The following ASAP2 variants were observed in gnomAD, a reference collection of about 807,000 sequenced individuals.
ASAP2 encodes the protein ArfGAP with SH3 domain, ankyrin repeat and PH domain 2.
In ASAP2, 45 loss-of-function variants were observed where a neutral mutation model predicts 131.4. The ratio of observed to expected loss-of-function variants is 0.34; its 90% CI spans 0.27 to 0.44. The LOEUF is 0.44. Among genes scored for constraint, ASAP2 ranks in the 20% least tolerant of loss-of-function variants. ASAP2 has a pLI of 1.00. For missense variants in ASAP2, 1,011 were observed against 1,297.0 expected (o/e 0.78, Z 3.39); for synonymous variants, 510 against 503.0 (o/e 1.01, Z -0.19).
chr2:9,334,932 G>A, intron 8 of ASAP2, 119 bp downstream of exon 8: 1 of 1,351,812 alleles, frequency 7.4e-7, no homozygotes, highest in Non-Finnish European at 1.0e-6. Flanking sequence ...GTGGAGTGTG[G>A]CGTTCCCACG....
In ASAP2 at chr2:9,388,507, A is replaced by G. The variant is rs1472335655; in HGVS notation, c.2344A>G (p.Thr782Ala). 6.2e-7 allele frequency: 1 copy of G among 1,613,004 alleles called. No individual in the cohort carries two copies. The highest frequency in any genetic ancestry group is 1.1e-5 in the South Asian group (1 of 90,932). ...CGCCCAGCCTGCAGCCCCCAGCACC[A>G]CCAGCGCCCCCCCGCTTCCTCCACG... The part of the protein sequence containing the change: ...PPAQPAAPST[T>A]SAPPLPPRNV... Residue 782 changes from threonine (T) to alanine (A), a missense_variant, in exon 22 of 28, where the codon ACC becomes GCC. Coordinates refer to ENST00000281419, the MANE Select transcript of ASAP2 (RefSeq NM_003887.3).
Position 9,254,527 on chromosome 2 carries a change from A to ATTTTTTTTTTTTTTTTTTTT in ASAP2, c.127-24783_127-24764dup, listed in dbSNP as rs546862626. 7.1e-5 allele frequency among the ~76,000 whole-genome samples: 2 copies of ATTTTTTTTTTTTTTTTTTTT among 28,028 alleles called. 1 individual carries two copies. The highest frequency in any genetic ancestry group is 1.6e-4 in the Non-Finnish European group (2 of 12,494). 18.4% of individuals were successfully genotyped at this position (28,028 alleles called of 152,430 possible). Reference sequence around the variant, plus strand: ...ACCACTACCCCCAGCTAATTTTTGGATTTTTTTTTTTTTTTTTTTTTTTTT... The same window carrying ATTTTTTTTTTTTTTTTTTTT: ...ACCACTACCCCCAGCTAATTTTTGGATTTTTTTTTTTTTTTTTTTTTTTTTTTTTTTTTTTTTTTTTTTTT... On this transcript the variant is annotated intron_variant, in intron 1 of 27. Transcript: ENST00000281419.
intron 1 of ASAP2, among the ~76,000 whole-genome samples, chr2:9,226,058 C>G (rs546605606): frequency 6.6e-5 from 10 of 152,176 alleles, no homozygotes; most frequent in African/African-American, 2.4e-4. Flanking sequence ...TCCTTGAAGG[C>G]GGAGGTTGTG....
chr2:9,395,238 C>G (rs1007454922), intron 24 of ASAP2, among the ~76,000 whole-genome samples: 3 of 152,122 alleles, frequency 2.0e-5, no homozygotes, highest in African/African-American at 7.2e-5. Context: ...TTTGGGAGAC[C>G]AAGGTGGGCG....
At chr2:9,338,347 A>ATCTCTCTC (rs372489671) in intron 9 of ASAP2, among the ~76,000 whole-genome samples, 5 of 147,116 alleles carry the variant, frequency 3.4e-5, no homozygotes, top group African/African-American at 1.0e-4. Context: ...GTCTGTCTCT[A>ATCTCTCTC]TCTCTCTCTC....
rs184080718 is a variant in ASAP2 at position 9,344,400 on chromosome 2, G to C, written c.850-132G>C. 2.9e-4 allele frequency: 199 copies of C among 690,768 alleles called. 2 individuals are homozygous for C. In the East Asian group the frequency reaches 4.5e-3, roughly 16 times the overall value. 42.8% of individuals were successfully genotyped at this position (690,768 alleles called of 1,614,324 possible). Reference sequence around the variant, plus strand: ...TGATGTCCCTTTTTTGCTGTGTTGAGAAAGGGAAATTTCTCCAATTTTTGT... The same window carrying C: ...TGATGTCCCTTTTTTGCTGTGTTGACAAAGGGAAATTTCTCCAATTTTTGT... On this transcript the variant is annotated intron_variant, in intron 9 of 27. Transcript: ENST00000281419.
chr2:9,272,020 G>C (rs571055134), intron 1 of ASAP2, among the ~76,000 whole-genome samples: 1 of 152,028 alleles, frequency 6.6e-6, no homozygotes, highest in South Asian at 2.1e-4. Flanking sequence ...CAGTAAACAC[G>C]GGAGAGCAGG....
rs1282244091 is a variant in ASAP2 at position 9,243,104 on chromosome 2, G to A, written c.126+35874G>A. 3.3e-5 allele frequency among the ~76,000 whole-genome samples: 5 copies of A among 152,042 alleles called. No homozygotes were observed. In the East Asian group the frequency reaches 7.7e-4, roughly 23 times the overall value. Reference sequence around the variant, plus strand: ...CCCTAGTGAGCCTTGAAGATTTTTTGTTTTGTTTTGTTTTGTTTTTTTGAG... The same window carrying A: ...CCCTAGTGAGCCTTGAAGATTTTTTATTTTGTTTTGTTTTGTTTTTTTGAG... On this transcript the variant is annotated intron_variant, in intron 1 of 27. Transcript: ENST00000281419.
intron 2 of ASAP2, among the ~76,000 whole-genome samples, chr2:9,286,447 A>AAAAATATATATATATATAT (rs58605449): frequency 9.4e-5 from 14 of 148,418 alleles, no homozygotes; most frequent in African/African-American, 3.5e-4. Context: ...GAAAAAAAAA[A>AAAAATATATATATATATAT]ATATATATAT....
At chr2:9,327,602 G>A (rs1173176806) in intron 6 of ASAP2, among the ~76,000 whole-genome samples, 3 of 152,096 alleles carry the variant, frequency 2.0e-5, no homozygotes, top group Admixed American at 2.0e-4. Flanking sequence ...ATTATTAGGA[G>A]TTTTTGGCAC....
chr2:9,385,229 C>T lies in ASAP2; in HGVS notation c.2017-16C>T. 1.3e-6 allele frequency: 2 copies of T among 1,580,890 alleles called. No individual in the cohort carries two copies. Among genetic ancestry groups the T allele is most frequent in the Non-Finnish European group, 1.7e-6 (2 of 1,149,892 alleles). On this transcript the variant is annotated splice_polypyrimidine_tract_variant and intron_variant, in intron 20 of 27. Transcript: ENST00000281419. ...GTGTATGAGCAACAGCACTGACCATCCCTCTGTTCTCTCAGCTGACCCAAG... is the reference window on the plus strand; with the variant it reads ...GTGTATGAGCAACAGCACTGACCATTCCTCTGTTCTCTCAGCTGACCCAAG...
At chr2:9,346,227 G>A (rs1671954216) in intron 11 of ASAP2, among the ~76,000 whole-genome samples, 1 of 152,026 alleles carries the variant, frequency 6.6e-6, no homozygotes, top group African/African-American at 2.4e-5. Flanking sequence ...CAGGTTCGAG[G>A]CCAGCCTGGC....
intron 1 of ASAP2, among the ~76,000 whole-genome samples, chr2:9,221,821 G>A (rs1662439722): frequency 1.3e-5 from 2 of 151,938 alleles, no homozygotes; most frequent in African/African-American, 4.8e-5. Flanking sequence ...TTGAGACGGA[G>A]TCTCGCTCTG....
intron 7 of ASAP2, among the ~76,000 whole-genome samples, chr2:9,333,000 C>T (rs528202695): frequency 2.0e-4 from 30 of 152,362 alleles, no homozygotes; most frequent in African/African-American, 5.8e-4. Flanking sequence ...TCATGCCCCA[C>T]GGCCTGTGTG....
Position 9,217,628 on chromosome 2 carries a change from T to C in ASAP2, c.126+10398T>C, listed in dbSNP as rs1193573862. Among the ~76,000 whole-genome samples the C allele has an allele frequency of 6.6e-6, 1 of 151,896 alleles. No homozygotes were observed. The highest frequency in any genetic ancestry group is 1.5e-5 in the Non-Finnish European group (1 of 67,942). On this transcript the variant is annotated intron_variant, in intron 1 of 27. Coordinates refer to ENST00000281419, the MANE Select transcript of ASAP2 (RefSeq NM_003887.3). This position sits in a 1 kb window ranked among gnomAD's most constrained non-coding sequence, Gnocchi z 4.0. ...GTATGTTTTTGTTTTTTGTTTTTTT[T>C]TTTGAGACGGAGTCTTCGCTCTGCC...
intron 1 of ASAP2, among the ~76,000 whole-genome samples, chr2:9,266,882 C>T (rs1311281357): frequency 6.6e-6 from 1 of 152,158 alleles, no homozygotes; most frequent in Admixed American, 6.5e-5. Flanking sequence ...ATTCAGTTTC[C>T]TCTGTCTCTA....
chr2:9,400,930 G>GCCCCA, intron 26 of ASAP2, 100 bp downstream of exon 26: 4 of 1,242,838 alleles, frequency 3.2e-6, no homozygotes, highest in Non-Finnish European at 3.4e-6. Context: ...CTCTTCCCCT[G>GCCCCA]GCTGGGGCAG....
At chr2:9,390,637 A>G (rs752144214) in intron 22 of ASAP2, among the ~76,000 whole-genome samples, 3 of 152,174 alleles carry the variant, frequency 2.0e-5, no homozygotes, top group African/African-American at 2.4e-5. Context: ...AGCTGGGCAC[A>G]CGGTGTTCCT....
At chr2:9,316,350 G>A (rs1048083189) in intron 3 of ASAP2, among the ~76,000 whole-genome samples, 3 of 152,012 alleles carry the variant, frequency 2.0e-5, no homozygotes, top group Non-Finnish European at 2.9e-5. Context: ...TATAGAAATC[G>A]GATGCCATAT....
Sources: allele counts gnomAD v4.1 joint callset (sites outside exome capture counted in the v4.1 genomes callset), GRCh38; gene constraint gnomAD v4.1.1; non-coding constraint Gnocchi (gnomAD v3.1); transcripts MANE v1.5; gene names NCBI Gene and HGNC (gene_info 2026-07-23, HGNC 2026-07-21).